The following UTRN variants were observed in gnomAD, a reference collection of about 807,000 sequenced individuals.
The protein encoded by UTRN is utrophin, also known as dystrophin-related protein 1.
Under a neutral mutation model 463.9 loss-of-function variants are expected in UTRN, and 283 were observed. The observed-to-expected ratio is 0.61, with a 90% CI of 0.55 to 0.67. UTRN has a LOEUF of 0.67. Among genes scored for constraint, UTRN ranks in the 30% least tolerant of loss-of-function variants. The pLI, the probability that UTRN is intolerant of heterozygous loss-of-function variation, is 0.00. For synonymous variants in UTRN, 1,442 were observed against 1,431.5 expected, an observed-to-expected ratio of 1.01 and a Z score of -0.17; for missense variants, 3,922 against 4,084.3, an observed-to-expected ratio of 0.96 and a Z score of 1.08.
intron 51 of UTRN, among the ~76,000 whole-genome samples, chr6:144,667,952 G>A (rs967596750): frequency 9.9e-5 from 15 of 152,122 alleles, no homozygotes; most frequent in African/African-American, 3.4e-4. Context: ...TTTTTATTCA[G>A]CGGTTAGGCC....
At chr6:144,841,952 A>T (rs1229033380) in intron 73 of UTRN, among the ~76,000 whole-genome samples, 3 of 152,062 alleles carry the variant, frequency 2.0e-5, no homozygotes, top group African/African-American at 7.2e-5. Context: ...GCTACTAAAA[A>T]TACAAAAAGT....
At chr6:144,547,340 C>G (rs1265301526) in intron 46 of UTRN, among the ~76,000 whole-genome samples, 3 of 152,130 alleles carry the variant, frequency 2.0e-5, no homozygotes, top group African/African-American at 4.8e-5. Flanking sequence ...CTTTTAAAAT[C>G]TTTACTTATG....
At chr6:144,760,692 T>G (rs1792560676) in intron 58 of UTRN, among the ~76,000 whole-genome samples, 1 of 152,170 alleles carries the variant, frequency 6.6e-6, no homozygotes, top group Admixed American at 6.6e-5. Context: ...TGAAAAAGCT[T>G]TTAATATACA....
intron 54 of UTRN, among the ~76,000 whole-genome samples, chr6:144,733,855 A>T (rs1789053316): frequency 6.6e-6 from 1 of 152,188 alleles, no homozygotes; most frequent in Non-Finnish European, 1.5e-5. Context: ...GATATCTAAC[A>T]TATGCAGCTA....
chr6:144,687,207 G>A (rs1009042651), intron 52 of UTRN, among the ~76,000 whole-genome samples: 5 of 152,192 alleles, frequency 3.3e-5, no homozygotes, highest in African/African-American at 7.2e-5. Flanking sequence ...TTGCATCTAT[G>A]TTCATCAGGG....
intron 41 of UTRN, among the ~76,000 whole-genome samples, chr6:144,530,647 G>A (rs538536369): frequency 4.9e-4 from 74 of 152,092 alleles, no homozygotes; most frequent in South Asian, 8.3e-4. Flanking sequence ...AGTTGGATGC[G>A]TTAACATGCC....
At chr6:144,766,146 C>T (rs1469356146) in intron 58 of UTRN, among the ~76,000 whole-genome samples, 1 of 152,024 alleles carries the variant, frequency 6.6e-6, no homozygotes, top group Admixed American at 6.6e-5. Flanking sequence ...CACACACACA[C>T]AAGCACGTGC....
At chr6:144,733,609 A>G (rs1289706359) in intron 54 of UTRN, among the ~76,000 whole-genome samples, 1 of 151,828 alleles carries the variant, frequency 6.6e-6, no homozygotes, top group East Asian at 1.9e-4. Flanking sequence ...TATACTATCT[A>G]CTTCCTTGAA....
At chr6:144,564,540 T>C (rs1261629579) in intron 50 of UTRN, among the ~76,000 whole-genome samples, 1 of 152,114 alleles carries the variant, frequency 6.6e-6, no homozygotes, top group Middle Eastern at 3.2e-3. Flanking sequence ...GGGTAATTTA[T>C]AAAGGAAAGA....
chr6:144,305,846 C>T (rs963517938), intron 2 of UTRN, among the ~76,000 whole-genome samples: 4 of 152,214 alleles, frequency 2.6e-5, no homozygotes, highest in Admixed American at 2.6e-4. Context: ...GCTATGAGCC[C>T]TCAGCTGCTG....
Position 144,435,946 on chromosome 6 carries a change from T to G in UTRN, c.867T>G (p.Pro289=). 2 of 1,613,942 alleles carry G rather than the reference T, an allele frequency of 1.2e-6. No homozygotes were observed. The highest frequency in any genetic ancestry group is 8.5e-7 in the Non-Finnish European group (1 of 1,180,024). The change falls in exon 10 of 75, where the codon CCT becomes CCG. Residue 289 remains proline, a synonymous_variant. Transcript: ENST00000367545. ...EEAINIQSTA[P]EEEHESPRAE... is the part of the protein sequence containing the mutation. ...CTTTGTTTTTACAGAGTACAGCGCC[T>G]GAGGAGGAGCATGAGAGTCCCCGAG...
intron 51 of UTRN, among the ~76,000 whole-genome samples, chr6:144,607,875 A>T (rs1369470386): frequency 1.3e-5 from 2 of 152,186 alleles, no homozygotes; most frequent in South Asian, 2.1e-4. Context: ...GTTTTGTTTT[A>T]TTTGGGACTG....
chr6:144,309,549 G>T (rs1213490508), intron 2 of UTRN, among the ~76,000 whole-genome samples: 1 of 152,120 alleles, frequency 6.6e-6, no homozygotes, highest in South Asian at 2.1e-4. Context: ...GATCCTGCTG[G>T]TTCTATTTTC....
chr6:144,569,634 A>G (rs1800752747), intron 50 of UTRN, among the ~76,000 whole-genome samples: 1 of 152,222 alleles, frequency 6.6e-6, no homozygotes, highest in Non-Finnish European at 1.5e-5. Flanking sequence ...TACTGTATGT[A>G]GGTCCTGGTC....
chr6:144,361,886 T>C (rs547839801), intron 2 of UTRN, among the ~76,000 whole-genome samples: 1 of 151,952 alleles, frequency 6.6e-6, no homozygotes, highest in South Asian at 2.1e-4. Context: ...AGATTACAGA[T>C]GTGAGACACC....
intron 51 of UTRN, among the ~76,000 whole-genome samples, chr6:144,629,932 T>A (rs902390969): frequency 6.6e-6 from 1 of 152,196 alleles, no homozygotes; most frequent in Non-Finnish European, 1.5e-5. Flanking sequence ...ACGCCTGTAA[T>A]CCCAGCACTT....
At chr6:144,475,791 TTGAGCCA>T (rs1433643006) in intron 25 of UTRN, among the ~76,000 whole-genome samples, 3 of 152,062 alleles carry the variant, frequency 2.0e-5, no homozygotes, top group Non-Finnish European at 4.4e-5. Flanking sequence ...AGAAATATTT[TTGAGCCA>T]GATGCAGTGG....
intron 51 of UTRN, among the ~76,000 whole-genome samples, chr6:144,636,682 T>G (rs1401207702): frequency 6.6e-6 from 1 of 152,220 alleles, no homozygotes. Flanking sequence ...TTGCAGACAT[T>G]GTAATAGTCA....
At chr6:144,580,384 C>T (rs1371707750) in intron 51 of UTRN, among the ~76,000 whole-genome samples, 1 of 152,174 alleles carries the variant, frequency 6.6e-6, no homozygotes, top group African/African-American at 2.4e-5. Context: ...CAACCAGATC[C>T]AAGGCCATGG....
Sources: gnomAD v4.1 joint callset for allele counts (sites outside exome capture counted in the v4.1 genomes callset) on GRCh38, gnomAD v4.1.1 for gene constraint, MANE v1.5 for transcripts, NCBI Gene and HGNC (gene_info 2026-07-23, HGNC 2026-07-21) for gene names.